AKR1C8: variants seen among roughly 807,000 people sequenced by gnomAD.
The protein encoded by AKR1C8 is aldo-keto reductase family 1 member C-like protein 1.
the AKR1C8 span, among the ~76,000 whole-genome samples, chr10:5,177,602 G>A: frequency 6.6e-6 from 1 of 151,868 alleles, no homozygotes; most frequent in African/African-American, 2.4e-5. Context: ...GTGAATCCAT[G>A]TGGTCCTGGA....
At chr10:5,130,815 G>T in the AKR1C8 span, among the ~76,000 whole-genome samples, 5 of 151,926 alleles carry the variant, frequency 3.3e-5, no homozygotes, top group South Asian at 2.1e-4. Flanking sequence ...CATGCTTACA[G>T]ATAGAATCAA....
the AKR1C8 span, among the ~76,000 whole-genome samples, chr10:5,142,162 T>C: frequency 3.1e-4 from 47 of 152,280 alleles, 2 homozygotes; most frequent in South Asian, 6.2e-4. Context: ...CAACCTCTAC[T>C]AGATTTCTAA....
chr10:5,119,537 TTTTC>T, the AKR1C8 span, among the ~76,000 whole-genome samples: 3 of 152,326 alleles, frequency 2.0e-5, no homozygotes, highest in South Asian at 6.2e-4. Flanking sequence ...GTTCTCTATC[TTTTC>T]TATTTTCTAA....
At chr10:5,175,208 G>C in the AKR1C8 span, among the ~76,000 whole-genome samples, 4 of 143,086 alleles carry the variant, frequency 2.8e-5, no homozygotes, top group African/African-American at 1.0e-4. Context: ...TCCCACCTAT[G>C]ACTGAGAATG....
At chr10:5,158,203 C>A in the AKR1C8 span, among the ~76,000 whole-genome samples, 4 of 152,090 alleles carry the variant, frequency 2.6e-5, no homozygotes, top group Non-Finnish European at 5.9e-5. Context: ...AAAATAGTTT[C>A]CTAGCAATGA....
chr10:5,184,074 C>T, the AKR1C8 span, among the ~76,000 whole-genome samples: 1 of 152,152 alleles, frequency 6.6e-6, no homozygotes, highest in Non-Finnish European at 1.5e-5. Context: ...CATTCAGCAT[C>T]TGACTGCTCC....
chr10:5,148,765 T>A, the AKR1C8 span, among the ~76,000 whole-genome samples: 1 of 152,290 alleles, frequency 6.6e-6, no homozygotes, highest in East Asian at 1.9e-4. Flanking sequence ...AGCTTTTGGA[T>A]GACTCCATTA....
the AKR1C8 span, among the ~76,000 whole-genome samples, chr10:5,175,548 C>A: frequency 8.3e-4 from 126 of 152,288 alleles, 1 homozygote; most frequent in Non-Finnish European, 2.8e-4. Flanking sequence ...GAGGAATCGC[C>A]ACACTGACTT....
chr10:5,153,842 T>C, the AKR1C8 span, among the ~76,000 whole-genome samples: 42,772 of 152,084 alleles, frequency 0.28, 6,832 homozygotes, highest in Non-Finnish European at 0.36. Context: ...ATCCAAACCA[T>C]ATCAGACATG....
the AKR1C8 span, chr10:5,162,801 A>G: frequency 2.3e-6 from 1 of 438,190 alleles, no homozygotes; most frequent in African/African-American, 2.0e-5. Flanking sequence ...TTTCAAAATA[A>G]TATATCTGAA....
At chr10:5,176,762 T>A in the AKR1C8 span, among the ~76,000 whole-genome samples, 25,064 of 152,138 alleles carry the variant, frequency 0.16, 2,648 homozygotes, top group Non-Finnish European at 0.23. Flanking sequence ...AGTTCACTCA[T>A]GATTTGGCTC....
At chr10:5,175,902 G>A in the AKR1C8 span, among the ~76,000 whole-genome samples, 80 of 152,178 alleles carry the variant, frequency 5.3e-4, no homozygotes, top group Middle Eastern at 6.8e-3. Context: ...AGTAGGTTGC[G>A]AAAATTTTCT....
the AKR1C8 span, among the ~76,000 whole-genome samples, chr10:5,127,416 A>G: frequency 6.6e-6 from 1 of 152,100 alleles, no homozygotes; most frequent in East Asian, 1.9e-4. Context: ...TAACCCAATC[A>G]GACAATAAGA....
the AKR1C8 span, among the ~76,000 whole-genome samples, chr10:5,119,901 T>A: frequency 3.3e-5 from 5 of 152,198 alleles, no homozygotes; most frequent in Non-Finnish European, 7.4e-5. Flanking sequence ...TAGCATCCCA[T>A]AACATGTATC....
the AKR1C8 span, among the ~76,000 whole-genome samples, chr10:5,163,273 T>C: frequency 6.6e-6 from 1 of 152,216 alleles, no homozygotes; most frequent in Non-Finnish European, 1.5e-5. Context: ...ATCAATCAAC[T>C]GTAGAAATTG....
the AKR1C8 span, among the ~76,000 whole-genome samples, chr10:5,171,357 A>G: frequency 2.6e-5 from 4 of 152,072 alleles, no homozygotes; most frequent in Non-Finnish European, 4.4e-5. Context: ...TAATTTTAAC[A>G]TAACAATTAT....
the AKR1C8 span, among the ~76,000 whole-genome samples, chr10:5,144,284 G>A: frequency 6.6e-6 from 1 of 152,106 alleles, no homozygotes; most frequent in African/African-American, 2.4e-5. Context: ...TAGCCTTGTA[G>A]TATAGTTTGA....
chr10:5,166,978 T>C, the AKR1C8 span, among the ~76,000 whole-genome samples: 1 of 149,490 alleles, frequency 6.7e-6, no homozygotes, highest in East Asian at 1.9e-4. Context: ...GCAAAGGATA[T>C]GAAGAGACGC....
chr10:5,135,179 C>A, the AKR1C8 span: 2 of 225,402 alleles, frequency 8.9e-6, no homozygotes. Flanking sequence ...CTAATACAGG[C>A]ATGAAATGAC....
Sources: allele counts gnomAD v4.1 joint callset (sites outside exome capture counted in the v4.1 genomes callset), GRCh38; gene constraint gnomAD v4.1.1; transcripts MANE v1.5; gene names NCBI Gene and HGNC (gene_info 2026-07-23, HGNC 2026-07-21).